The following MYO15A variants were observed in gnomAD, a reference collection of about 807,000 sequenced individuals.
MYO15A encodes myosin XVA.
In MYO15A, 308 loss-of-function variants were observed where a neutral mutation model predicts 394.6. The ratio of observed to expected loss-of-function variants is 0.78; its 90% confidence interval spans 0.71 to 0.86. The LOEUF (loss-of-function observed/expected upper bound fraction) is 0.86, where lower values mean the gene tolerates loss of function less well. Among genes scored for constraint, MYO15A ranks in the 40% least tolerant of loss-of-function variants. The pLI, the probability that MYO15A is intolerant of heterozygous loss-of-function variation, is 0.00. For synonymous variants in MYO15A, 1,957 were observed against 2,003.8 expected, an observed-to-expected ratio of 0.98 and a Z score of 0.62; for missense variants, 4,606 against 4,799.1, an observed-to-expected ratio of 0.96 and a Z score of 1.19.
intron 65 of MYO15A, among the ~76,000 whole-genome samples, chr17:18,175,097 T>C (rs1417149088): frequency 2.0e-5 from 3 of 150,248 alleles, no homozygotes; most frequent in East Asian, 3.9e-4. Context: ...TTTTTTTTTT[T>C]CAGTAGAGAC....
At position 18,120,855 on chromosome 17, in the gene MYO15A, G is replaced by T. The variant is rs912974134; in HGVS notation, c.2055G>T (p.Ser685=). The T allele has an allele frequency of 8.3e-7, 1 of 1,203,794 alleles. No individual in the cohort carries two copies. Among genetic ancestry groups the T allele is most frequent in the South Asian group, 2.5e-5 (1 of 40,296 alleles). 74.6% of individuals were successfully genotyped at this position (1,203,794 alleles called of 1,614,324 possible). The change falls in exon 2 of 66, where the codon TCG becomes TCT. Residue 685 remains serine (S), a synonymous_variant. Transcript: ENST00000647165. ...PPAPPLSPAL[S]GLPRPASPYG... is the part of the protein sequence containing the mutation. ...CGCCGCCGCTCTCCCCGGCGCTCTCGGGCCTGCCCCGGCCGGCCTCGCCCT... is the reference window on the plus strand; with the variant it reads ...CGCCGCCGCTCTCCCCGGCGCTCTCTGGCCTGCCCCGGCCGGCCTCGCCCT...
chr17:18,157,090 G>T (rs760100745), intron 49 of MYO15A, 25 bp downstream of exon 49: 1 of 1,613,052 alleles, frequency 6.2e-7, no homozygotes, highest in African/African-American at 1.3e-5. Flanking sequence ...GGTGGGCTGG[G>T]GGCAGGAGGG....
At position 18,153,965 on chromosome 17, in the gene MYO15A, G is replaced by C; in HGVS notation, c.8088+69G>C. The C allele has an allele frequency of 1.2e-6, 2 of 1,610,984 alleles. No homozygotes were observed. The highest frequency in any genetic ancestry group is 1.1e-5 in the South Asian group (1 of 91,004). On this transcript the variant is annotated intron_variant, in intron 43 of 65. Transcript: ENST00000647165. This position sits in a 1 kb window ranked among gnomAD's most constrained non-coding sequence, Gnocchi z 4.1. ...AGGGGAGGGGCTGAAGCGAGCAGAG[G>C]AGGGTCTAGGACTTGGGGAGGGAGC...
In MYO15A at chr17:18,130,524, AG is replaced by A. The variant is rs1271059744; in HGVS notation, c.4033-279del. 8.6e-5 allele frequency among the ~76,000 whole-genome samples: 13 copies of A among 152,024 alleles called. No individual in the cohort carries two copies. In the East Asian group the frequency reaches 2.1e-3, roughly 25 times the overall value. On this transcript the variant is annotated intron_variant, in intron 7 of 65. Coordinates refer to ENST00000647165, the MANE Select transcript of MYO15A (RefSeq NM_016239.4). The stretch of plus-strand genomic sequence containing the variant: ...CCTGGGTGTCAGGGAACAGTGAGGA[AG>A]GCCAGGGAGGATCCTTGGCTGGTGG...
In MYO15A at chr17:18,148,928, C is replaced by T. The variant is rs727503314; in HGVS notation, c.6932C>T (p.Ala2311Val). 2 of 1,602,444 alleles carry T rather than the reference C, an allele frequency of 1.2e-6. No homozygotes were observed. Residue 2311 changes from alanine to valine, a missense_variant, in exon 33 of 66, where the codon GCA (alanine) becomes GTA (valine). Ala to Val is a moderately conservative substitution (Grantham distance 64). This residue lies in a region of MYO15A where 2,776 missense variants were observed against 3,109.3 expected (regional missense o/e 0.89). Coordinates refer to ENST00000647165, the MANE Select transcript of MYO15A (RefSeq NM_016239.4). The surrounding 1 kb of genome is among the most constrained non-coding windows in gnomAD (Gnocchi z 4.8). ...TTCATTGTGGGCACAGAGGGGCCTG[C>T]AGCCAGCAGGGGAGGCCCCAAAGTG... ...SYFIVGTEGP[A>V]ASRGGPKVVF...
rs779075997 is a variant in MYO15A at position 18,142,753 on chromosome 17, C to G, written c.5826-3C>G. ...CCCTGACCTCCCCACTACCCCAACC[C>G]AGGCAACGCTATCAGCAGATGAGGA... On this transcript the variant is annotated splice_polypyrimidine_tract_variant and splice_region_variant and intron_variant, in intron 24 of 65. Transcript: ENST00000647165. The G allele has an allele frequency of 6.2e-7, 1 of 1,613,508 alleles. No homozygotes were observed. Among genetic ancestry groups the G allele is most frequent in the Admixed American group, 1.7e-5 (1 of 59,990 alleles).
rs576439134 is a variant in MYO15A at position 18,132,117 on chromosome 17, C to G, written c.4207-336C>G. 6.6e-5 allele frequency among the ~76,000 whole-genome samples: 10 copies of G among 152,296 alleles called. No homozygotes were observed. The highest frequency in any genetic ancestry group is 4.1e-4 in the South Asian group (2 of 4,820). On this transcript the variant is annotated intron_variant, in intron 10 of 65. Coordinates refer to ENST00000647165, the MANE Select transcript of MYO15A (RefSeq NM_016239.4). The surrounding 1 kb of genome is among the most constrained non-coding windows in gnomAD (Gnocchi z 4.6). Reference sequence around the variant, plus strand: ...GGAAGTGCTCAGCCATCAAGAAGCTCTGTGTGTGCACATGTGGGCTATGGA... The same window carrying G: ...GGAAGTGCTCAGCCATCAAGAAGCTGTGTGTGTGCACATGTGGGCTATGGA...
intron 10 of MYO15A, among the ~76,000 whole-genome samples, chr17:18,131,778 A>G (rs1281624365): frequency 3.3e-5 from 5 of 151,740 alleles, no homozygotes; most frequent in African/African-American, 1.2e-4. Flanking sequence ...TCCTTCCCTC[A>G]GGAGCACTTA....
rs768893050 is a variant in MYO15A, at chr17:18,158,875, T to C, written c.9084-50T>C. The C allele has an allele frequency of 4.4e-6, 7 of 1,604,574 alleles. No individual in the cohort carries two copies. In the Middle Eastern group the frequency reaches 5.0e-4, roughly 114 times the overall value. On this transcript the variant is annotated intron_variant, in intron 52 of 65. Coordinates refer to ENST00000647165, the MANE Select transcript of MYO15A (RefSeq NM_016239.4). ...GTTCTTTCCCATGTGGAAAAGGATG[T>C]AGCCAAGGCTTGGGCAGGACAGGTC...
chr17:18,159,269 C>T lies in MYO15A; in HGVS notation c.9157-6C>T. 1.2e-6 allele frequency: 2 copies of T among 1,614,152 alleles called. No homozygotes were observed. The highest frequency in any genetic ancestry group is 2.2e-5 in the East Asian group (1 of 44,880). ...TCCATCATGACACAGCCCTCTTCCC[C>T]CACAGACTCCCCTCCAGGAATCCCT... On this transcript the variant is annotated splice_region_variant and splice_polypyrimidine_tract_variant and intron_variant, in intron 53 of 65. Transcript: ENST00000647165.
At chr17:18,146,370 A>G (rs1365641746) in intron 30 of MYO15A, among the ~76,000 whole-genome samples, 1 of 152,138 alleles carries the variant, frequency 6.6e-6, no homozygotes, top group Non-Finnish European at 1.5e-5. Context: ...GCATGTGGAG[A>G]ATTTGGAAAA....
intron 25 of MYO15A, 47 bp from the exon 26 acceptor site, chr17:18,143,519 G>A (rs1029292707): frequency 3.4e-5 from 53 of 1,547,946 alleles, no homozygotes; most frequent in African/African-American, 4.1e-5. Flanking sequence ...GGTGCCGGTC[G>A]TCACCTCTGC....
rs1432178361 is a variant in MYO15A at position 18,157,056 on chromosome 17, C to T, written c.8704C>T (p.Pro2902Ser). The T allele has an allele frequency of 1.2e-6, 2 of 1,613,982 alleles. No individual in the cohort carries two copies. The highest frequency in any genetic ancestry group is 1.7e-6 in the Non-Finnish European group (2 of 1,180,030). ...DIIHLQPLEP[P>S]RVGYSAGCVV... ...CATACACCTGCAGCCCCTAGAGCCA[C>T]CTCGAGTGGGTCAGTGCCACTGGGG... Residue 2902 changes from proline (P) to serine (S), a missense_variant, in exon 49 of 66, where the codon CCT (proline) becomes TCT (serine). Physicochemically the swap from Pro to Ser is moderately conservative, Grantham distance 74 (BLOSUM62 -1). This residue lies in a region of MYO15A where 2,776 missense variants were observed against 3,109.3 expected (regional missense o/e 0.89). Transcript: ENST00000647165.
intron 12 of MYO15A, among the ~76,000 whole-genome samples, chr17:18,133,846 C>T (rs534629033): frequency 6.6e-5 from 10 of 152,154 alleles, no homozygotes; most frequent in South Asian, 4.2e-4. Context: ...TTAGTAGAGA[C>T]GGGGTTTCAC....
chr17:18,133,435 G>A, intron 12 of MYO15A, 49 bp downstream of exon 12: 2 of 1,603,690 alleles, frequency 1.2e-6, no homozygotes, highest in Non-Finnish European at 8.5e-7. Context: ...TCTGGACTTG[G>A]CCGTCTTTTC....
chr17:18,139,070 A>G (rs2046332588), intron 18 of MYO15A, 134 bp downstream of exon 18: 3 of 1,344,026 alleles, frequency 2.2e-6, no homozygotes, highest in Non-Finnish European at 3.1e-6. Flanking sequence ...CAGCTCTGTG[A>G]CCTTGAGCAA....
In MYO15A at chr17:18,121,237, C is replaced by G. The variant is rs1356647827; in HGVS notation, c.2437C>G (p.Pro813Ala). 6.8e-7 allele frequency: 1 copy of G among 1,477,568 alleles called. No individual in the cohort carries two copies. The highest frequency in any genetic ancestry group is 2.2e-5 in the Admixed American group (1 of 45,324). 91.5% of individuals were successfully genotyped at this position (1,477,568 alleles called of 1,614,324 possible). A position where few individuals can be genotyped will look rare whatever the true frequency, so the allele number is the denominator to read the frequency against. The change falls in exon 2 of 66, where the codon CCG becomes GCG. Residue 813 changes from proline to alanine, a missense_variant. This residue lies in a region of MYO15A where 1,830 missense variants were observed against 1,689.7 expected (regional missense o/e 1.08). Coordinates refer to ENST00000647165, the MANE Select transcript of MYO15A (RefSeq NM_016239.4). The surrounding 1 kb of genome is among the most constrained non-coding windows in gnomAD (Gnocchi z 5.3). ...CCCCTTCCAGCCGCCCTTCCTGCCCCCGGCCCGCCGGCCCCGCTCGCTGCA... is the reference window on the plus strand; with the variant it reads ...CCCCTTCCAGCCGCCCTTCCTGCCCGCGGCCCGCCGGCCCCGCTCGCTGCA... The part of the protein sequence containing the change: ...TGPFQPPFLP[P>A]ARRPRSLQES...
In MYO15A at chr17:18,151,093, C is replaced by G. The variant is rs767609614; in HGVS notation, c.7474-17C>G. 1 of 1,613,602 alleles carries G rather than the reference C, an allele frequency of 6.2e-7. No homozygotes were observed. The highest frequency in any genetic ancestry group is 1.3e-5 in the African/African-American group (1 of 74,924). On this transcript the variant is annotated splice_polypyrimidine_tract_variant and intron_variant, in intron 38 of 65. Transcript: ENST00000647165. The stretch of plus-strand genomic sequence containing the variant: ...GTATATCCCAGGCAGCCCACCCTCA[C>G]GTCCTGTTCTCCACAGAAACCCCCA...
At chr17:18,168,977 G>T (rs2046897032) in intron 62 of MYO15A, among the ~76,000 whole-genome samples, 1 of 150,788 alleles carries the variant, frequency 6.6e-6, no homozygotes, top group South Asian at 2.1e-4. Context: ...GCCAGAGGTA[G>T]TGGCGGGTGC....
Sources: allele counts gnomAD v4.1 joint callset (sites outside exome capture counted in the v4.1 genomes callset), GRCh38; gene constraint gnomAD v4.1.1; regional missense constraint gnomAD v4.1.1; non-coding constraint Gnocchi (gnomAD v3.1); transcripts MANE v1.5; gene names NCBI Gene and HGNC (gene_info 2026-07-23, HGNC 2026-07-21).